SYNRG: variants seen among roughly 807,000 people sequenced by gnomAD.
SYNRG encodes AP1 gamma subunit binding protein 1.
SYNRG carries 37 observed loss-of-function variants against 130.9 expected under a neutral mutation model. The ratio of observed to expected loss-of-function variants is 0.28; its 90% CI spans 0.22 to 0.37. SYNRG has a LOEUF of 0.37. Ranked by LOEUF, SYNRG falls within the 10% of genes least tolerant of loss-of-function variation. SYNRG has a pLI of 1.00. For missense variants in SYNRG, 1,338 were observed against 1,588.9 expected (o/e 0.84, Z 2.68); for synonymous variants, 539 against 568.1 (o/e 0.95, Z 0.73).
intron 3 of SYNRG, among the ~76,000 whole-genome samples, chr17:37,593,897 T>C (rs990459257): frequency 1.1e-4 from 16 of 141,190 alleles, no homozygotes; most frequent in Non-Finnish European, 1.7e-4. Flanking sequence ...AAAAAAAAAA[T>C]GGTGAGCAGC....
intron 8 of SYNRG, among the ~76,000 whole-genome samples, chr17:37,576,055 T>C (rs2146178730): frequency 6.6e-6 from 1 of 152,258 alleles, no homozygotes; most frequent in East Asian, 1.9e-4. Context: ...TTTGATAATG[T>C]CCATTAAAGC....
At chr17:37,563,215 C>T (rs938700722) in intron 11 of SYNRG, among the ~76,000 whole-genome samples, 1 of 152,146 alleles carries the variant, frequency 6.6e-6, no homozygotes, top group Non-Finnish European at 1.5e-5. Flanking sequence ...TCAACCGCTC[C>T]AAACATGAAG....
At chr17:37,546,420 A>C (rs2058280766) in intron 14 of SYNRG, among the ~76,000 whole-genome samples, 1 of 152,200 alleles carries the variant, frequency 6.6e-6, no homozygotes, top group Non-Finnish European at 1.5e-5. Context: ...TAATGCATAC[A>C]TCTGTTTGCA....
chr17:37,580,813 G>GT (rs1292177749), intron 6 of SYNRG, among the ~76,000 whole-genome samples: 2 of 151,938 alleles, frequency 1.3e-5, no homozygotes, highest in African/African-American at 4.8e-5. Flanking sequence ...GATTACAGGT[G>GT]TGAGTCCCCA....
intron 6 of SYNRG, among the ~76,000 whole-genome samples, chr17:37,579,783 T>C (rs1447912903): frequency 1.3e-5 from 2 of 152,172 alleles, no homozygotes; most frequent in Non-Finnish European, 2.9e-5. Context: ...TAGCTCATGA[T>C]CATAGCAGCC....
rs1354539235 is a variant in SYNRG, at chr17:37,571,779, A to C, written c.1098+12T>G. ...TAAAGTTATTTGATCTAACTTAAGA[A>C]ACATTGTTTACCTGTGTTACCGCTA... On this transcript the variant is annotated intron_variant, in intron 9 of 21. Transcript: ENST00000612223. The C allele has an allele frequency of 6.3e-7, 1 of 1,592,026 alleles. No individual in the cohort carries two copies. The highest frequency in any genetic ancestry group is 8.5e-7 in the Non-Finnish European group (1 of 1,171,102).
In SYNRG at chr17:37,517,196, A is replaced by G. The variant is rs1275302580; in HGVS notation, c.*1744T>C. On this transcript the variant is annotated 3_prime_UTR_variant, in exon 22 of 22. Transcript: ENST00000612223. The stretch of plus-strand genomic sequence containing the variant: ...GCCATTGCACTCAAGCCTGGGCAAC[A>G]AGAGTGAAACTCCATCTCAAAAAAA... 6.5e-6 allele frequency: 1 copy of G among 153,090 alleles called. No individual in the cohort carries two copies. Among genetic ancestry groups the G allele is most frequent in the African/African-American group, 2.4e-5 (1 of 41,574 alleles). The allele number at this position is 153,090 out of a possible 1,614,324, so 9.5% of individuals were successfully genotyped here. A position where few individuals can be genotyped will look rare whatever the true frequency, so the allele number is the denominator to read the frequency against.
chr17:37,559,333 T>TA (rs558939425), intron 13 of SYNRG, among the ~76,000 whole-genome samples: 257 of 151,528 alleles, frequency 1.7e-3, no homozygotes, highest in African/African-American at 5.7e-3. Flanking sequence ...AGTGAAAGGC[T>TA]AAAAAAAACC....
intron 1 of SYNRG, among the ~76,000 whole-genome samples, chr17:37,608,401 A>G (rs561228733): frequency 6.6e-6 from 1 of 152,344 alleles, no homozygotes; most frequent in African/African-American, 2.4e-5. Flanking sequence ...GTTGGTTAGT[A>G]AAACAAAATC....
chr17:37,542,931 A>T (rs539056386), intron 14 of SYNRG, among the ~76,000 whole-genome samples: 482 of 152,318 alleles, frequency 3.2e-3, no homozygotes, highest in African/African-American at 0.011. Flanking sequence ...TGCCTAAAAC[A>T]TGTCTCCCTT....
chr17:37,573,723 A>G (rs2060609760), intron 8 of SYNRG, among the ~76,000 whole-genome samples: 1 of 152,170 alleles, frequency 6.6e-6, no homozygotes, highest in Non-Finnish European at 1.5e-5. Flanking sequence ...ACTATAAAAC[A>G]TTAATGCAAT....
intron 6 of SYNRG, among the ~76,000 whole-genome samples, chr17:37,581,024 A>G (rs2061289239): frequency 6.6e-6 from 1 of 152,178 alleles, no homozygotes; most frequent in Admixed American, 6.5e-5. Flanking sequence ...GAAAAGCATC[A>G]ATATTAGGAT....
At chr17:37,594,236 A>G (rs2062505511) in intron 3 of SYNRG, among the ~76,000 whole-genome samples, 1 of 145,104 alleles carries the variant, frequency 6.9e-6, no homozygotes, top group South Asian at 2.1e-4. Context: ...TATATTAATT[A>G]CAATATTAAT....
At chr17:37,577,686 C>A (rs2060949653) in intron 6 of SYNRG, 73 bp from the exon 7 acceptor site, 1 of 1,156,254 alleles carries the variant, frequency 8.6e-7, no homozygotes, top group Non-Finnish European at 1.2e-6. Context: ...CCATCTCCAC[C>A]CCCATATTCT....
chr17:37,606,160 C>G (rs148516177), intron 1 of SYNRG: 127 of 269,198 alleles, frequency 4.7e-4, no homozygotes, highest in African/African-American at 2.7e-3. Context: ...CAAAACTCTT[C>G]TCTGCCACTC....
intron 10 of SYNRG, among the ~76,000 whole-genome samples, chr17:37,570,305 T>A (rs1451424489): frequency 1.3e-5 from 2 of 152,020 alleles, no homozygotes; most frequent in Admixed American, 6.6e-5. Flanking sequence ...GTACACACTA[T>A]CATGCCCAGC....
chr17:37,555,917 T>TA (rs1242980894), intron 13 of SYNRG, among the ~76,000 whole-genome samples: 3 of 151,586 alleles, frequency 2.0e-5, no homozygotes, highest in African/African-American at 4.8e-5. Flanking sequence ...AAAATAAAAA[T>TA]AAAAAAACAA....
chr17:37,541,791 C>G, intron 15 of SYNRG, 181 bp downstream of exon 15: 1 of 649,498 alleles, frequency 1.5e-6, no homozygotes, highest in Non-Finnish European at 2.6e-6. Context: ...CTGAGGGATG[C>G]TGATTTTGAC....
intron 19 of SYNRG, among the ~76,000 whole-genome samples, chr17:37,530,172 C>T (rs909666729): frequency 2.6e-5 from 4 of 152,120 alleles, no homozygotes; most frequent in African/African-American, 9.7e-5. Flanking sequence ...CCAACCTGTC[C>T]CTCTGAAGGA....
Sources: gnomAD v4.1 joint callset for allele counts (sites outside exome capture counted in the v4.1 genomes callset) on GRCh38, gnomAD v4.1.1 for gene constraint, MANE v1.5 for transcripts, NCBI Gene and HGNC (gene_info 2026-07-23, HGNC 2026-07-21) for gene names.